The following HIF1A variants were observed in gnomAD, a reference collection of about 807,000 sequenced individuals.
The protein encoded by HIF1A is hypoxia-inducible factor 1-alpha.
A neutral mutation model predicts 92.7 loss-of-function variants in HIF1A; 24 were observed. The ratio of observed to expected loss-of-function variants is 0.26; its 90% CI spans 0.19 to 0.36. HIF1A has a LOEUF of 0.36. Ranked by LOEUF, HIF1A falls within the 10% of genes least tolerant of loss-of-function variation. HIF1A has a pLI of 1.00. For missense variants in HIF1A, 799 were observed against 998.5 expected (o/e 0.80, Z 2.69); for synonymous variants, 319 against 338.7 (o/e 0.94, Z 0.64).
chr14:61,711,038 ACT>A (rs1329587277), intron 1 of HIF1A, among the ~76,000 whole-genome samples: 2 of 97,160 alleles, frequency 2.1e-5, no homozygotes, highest in African/African-American at 3.7e-5. Flanking sequence ...ACAGTGCGAG[ACT>A]CTGTCTCAAA....
chr14:61,713,600 G>A (rs964753090), intron 1 of HIF1A, among the ~76,000 whole-genome samples: 4 of 152,122 alleles, frequency 2.6e-5, no homozygotes, highest in African/African-American at 9.7e-5. Context: ...TATATTTCTA[G>A]TACCTAGCAC....
chr14:61,721,432 G>C (rs1439002445), intron 2 of HIF1A, 77 bp from the exon 3 acceptor site: 7 of 1,289,590 alleles, frequency 5.4e-6, no homozygotes, highest in South Asian at 4.0e-5. Flanking sequence ...AGAAAACTTT[G>C]TAAAAACATC....
intron 1 of HIF1A, among the ~76,000 whole-genome samples, chr14:61,704,118 A>G (rs931553674): frequency 3.9e-5 from 6 of 152,200 alleles, no homozygotes; most frequent in Admixed American, 3.3e-4. Context: ...ATGATACATC[A>G]ACTCATATGA....
intron 1 of HIF1A, chr14:61,698,092 C>A: frequency 2.2e-6 from 1 of 454,678 alleles, no homozygotes; most frequent in Non-Finnish European, 3.7e-6. Flanking sequence ...GATTCTGTTT[C>A]AGGCTTCAGG....
chr14:61,712,159 A>G (rs567814603), intron 1 of HIF1A, among the ~76,000 whole-genome samples: 28 of 152,278 alleles, frequency 1.8e-4, no homozygotes, highest in Non-Finnish European at 3.2e-4. Flanking sequence ...GGGAATCTCA[A>G]TGAGGGTGAG....
chr14:61,742,885 CAAAAAAAAA>C (rs766112676), intron 12 of HIF1A, among the ~76,000 whole-genome samples: 2 of 16,598 alleles, frequency 1.2e-4, no homozygotes, highest in Non-Finnish European at 2.4e-4. Context: ...AACTCGGTTT[CAAAAAAAAA>C]AAAAAAAAAA....
At chr14:61,711,207 C>CTTTTTTTTTTTTTTTTT (rs10615564) in intron 1 of HIF1A, among the ~76,000 whole-genome samples, 1 of 86,124 alleles carries the variant, frequency 1.2e-5, no homozygotes, top group African/African-American at 4.3e-5. Flanking sequence ...TTAAGTATTC[C>CTTTTTTTTTTTTTTTTT]TTTTTTTTTT....
intron 4 of HIF1A, among the ~76,000 whole-genome samples, chr14:61,724,380 T>TCTCTCTCTCTCCCC (rs771152491): frequency 5.0e-5 from 7 of 139,620 alleles, no homozygotes; most frequent in African/African-American, 1.7e-4. Flanking sequence ...TCTCTCTCTC[T>TCTCTCTCTCTCCCC]CCCCCTCCCT....
chr14:61,721,272 A>T (rs907556013), intron 2 of HIF1A, among the ~76,000 whole-genome samples: 3 of 152,166 alleles, frequency 2.0e-5, no homozygotes, highest in African/African-American at 7.2e-5. Context: ...TAAATAAAAA[A>T]CATTACTCTT....
rs1305881074 is a variant in HIF1A at position 61,734,196 on chromosome 14, A to C, written c.939A>C (p.Gly313=). ...GQYRMLAKRG[G]YVWVETQATV... ...ACAGGATGCTTGCCAAAAGAGGTGG[A>C]TATGTCTGGGTTGAAACTCAAGCAA... Residue 313 remains glycine (G), a synonymous_variant, in exon 8 of 15, where the codon GGA becomes GGC. Transcript: ENST00000337138. 1 of 1,612,816 alleles carries C rather than the reference A, an allele frequency of 6.2e-7. No individual in the cohort carries two copies. Among genetic ancestry groups the C allele is most frequent in the Non-Finnish European group, 8.5e-7 (1 of 1,178,926 alleles).
At chr14:61,735,899 A>T (rs1436758246) in intron 8 of HIF1A, among the ~76,000 whole-genome samples, 1 of 152,192 alleles carries the variant, frequency 6.6e-6, no homozygotes, top group Non-Finnish European at 1.5e-5. Flanking sequence ...TCAGCACAAC[A>T]ATTCTGAAGA....
At position 61,734,261 on chromosome 14, in the gene HIF1A, TTGTA is replaced by T; in HGVS notation, c.1008_1011del (p.Cys337Ter). The stretch of plus-strand genomic sequence containing the variant: ...ACCAAGAATTCTCAACCACAGTGCA[TTGTA>T]TGTGTGAATTACGTTGTGAGGTAAG... On this transcript the variant is annotated frameshift_variant, in exon 8 of 15. Transcript: ENST00000337138. LOFTEE classifies it high-confidence loss of function. 1 of 1,611,656 alleles carries T rather than the reference TTGTA, an allele frequency of 6.2e-7. No homozygotes were observed. Among genetic ancestry groups the T allele is most frequent in the Non-Finnish European group, 8.5e-7 (1 of 1,178,832 alleles).
intron 4 of HIF1A, among the ~76,000 whole-genome samples, chr14:61,725,810 G>A (rs80118872): frequency 0.042 from 6,381 of 151,458 alleles, 179 homozygotes; most frequent in Non-Finnish European, 0.066. Context: ...ACTTAATTCT[G>A]ACTTTATTTC....
At chr14:61,700,273 A>C (rs1380891149) in intron 1 of HIF1A, among the ~76,000 whole-genome samples, 1 of 152,148 alleles carries the variant, frequency 6.6e-6, no homozygotes, top group Non-Finnish European at 1.5e-5. Flanking sequence ...CATCTTGCAA[A>C]GCTGAAATCT....
chr14:61,695,555 C>A lies in HIF1A; in HGVS notation c.-250C>A. On this transcript the variant is annotated 5_prime_UTR_variant, in exon 1 of 15. Transcript: ENST00000337138. Reference sequence around the variant, plus strand: ...CGTCTGAGGGGACAGGAGGATCACCCTCTTCGTCGCTTCGGCCAGTGTGTC... The same window carrying A: ...CGTCTGAGGGGACAGGAGGATCACCATCTTCGTCGCTTCGGCCAGTGTGTC... 1.7e-6 allele frequency: 1 copy of A among 580,594 alleles called. No individual in the cohort carries two copies. The highest frequency in any genetic ancestry group is 3.2e-5 in the Admixed American group (1 of 31,626). The allele number at this position is 580,594 out of a possible 1,614,324, so 36.0% of individuals were successfully genotyped here.
chr14:61,740,035 A>C (rs2044687218), intron 10 of HIF1A: 1 of 150,440 alleles, frequency 6.6e-6, no homozygotes, highest in Non-Finnish European at 1.5e-5. Flanking sequence ...TACCAGTATA[A>C]GCTTCAAAAT....
intron 1 of HIF1A, among the ~76,000 whole-genome samples, chr14:61,719,119 T>G (rs953437864): frequency 2.0e-4 from 30 of 152,158 alleles, no homozygotes; most frequent in African/African-American, 7.2e-4. Context: ...AGGAGAGATT[T>G]GGGGTGGAGA....
chr14:61,711,409 C>T lies in HIF1A; in HGVS notation c.36-8973C>T, dbSNP rs996209902. ...TTAAGAACATTAACTATAACTCACA[C>T]ATTTTCCTGACCACATTTGCTTAGG... On this transcript the variant is annotated intron_variant, in intron 1 of 14. Coordinates refer to ENST00000337138, the MANE Select transcript of HIF1A (RefSeq NM_001530.4). Among the ~76,000 whole-genome samples, 5 of 152,072 alleles carry T rather than the reference C, an allele frequency of 3.3e-5. No homozygotes were observed. The South Asian group carries it at 6.2e-4, about 19-fold the overall frequency.
intron 14 of HIF1A, among the ~76,000 whole-genome samples, chr14:61,746,528 T>C (rs1361574995): frequency 6.6e-6 from 1 of 151,322 alleles, no homozygotes; most frequent in African/African-American, 2.4e-5. Flanking sequence ...CTCAGCCTCC[T>C]GAGTAGCTCG....
Sources: allele counts gnomAD v4.1 joint callset (sites outside exome capture counted in the v4.1 genomes callset), GRCh38; gene constraint gnomAD v4.1.1; transcripts MANE v1.5; gene names NCBI Gene and HGNC (gene_info 2026-07-23, HGNC 2026-07-21).